TOM1L2: variants seen among roughly 807,000 people sequenced by gnomAD.
TOM1L2 encodes the protein target of myb1 like 2 membrane trafficking protein.
TOM1L2 carries 31 observed loss-of-function variants against 67.9 expected under a neutral mutation model. The ratio of observed to expected loss-of-function variants is 0.46; its 90% confidence interval spans 0.34 to 0.62. The LOEUF (loss-of-function observed/expected upper bound fraction) is 0.62, where lower values mean the gene tolerates loss of function less well. Among genes scored for constraint, TOM1L2 ranks in the 20% least tolerant of loss-of-function variants. TOM1L2 has a pLI of 0.01. For missense variants in TOM1L2, 606 were observed against 663.5 expected (o/e 0.91, Z 0.95); for synonymous variants, 256 against 254.0 (o/e 1.01, Z -0.07).
At chr17:17,858,813 C>A (rs1188778602) in intron 12 of TOM1L2, 1 of 152,242 alleles carries the variant, frequency 6.6e-6, no homozygotes, top group East Asian at 1.9e-4. Context: ...AATCTCCTGA[C>A]CTCGTGATCC....
At chr17:17,868,141 A>T (rs2036959264) in intron 8 of TOM1L2, among the ~76,000 whole-genome samples, 3 of 152,234 alleles carry the variant, frequency 2.0e-5, no homozygotes, top group Admixed American at 1.3e-4. Flanking sequence ...GAGAAACTGG[A>T]ATCACATGGC....
intron 12 of TOM1L2, among the ~76,000 whole-genome samples, chr17:17,856,923 C>T (rs1183001906): frequency 1.3e-5 from 2 of 152,160 alleles, no homozygotes; most frequent in Non-Finnish European, 2.9e-5. Context: ...CTCCCCTGGG[C>T]TTTGTTTTCT....
chr17:17,946,444 T>C (rs2040955526), intron 1 of TOM1L2, among the ~76,000 whole-genome samples: 1 of 152,238 alleles, frequency 6.6e-6, no homozygotes, highest in African/African-American at 2.4e-5. Flanking sequence ...TGAACATTTC[T>C]TATAAATGCA....
chr17:17,953,843 A>G (rs2041312775), intron 1 of TOM1L2, among the ~76,000 whole-genome samples: 1 of 152,238 alleles, frequency 6.6e-6, no homozygotes, highest in Admixed American at 6.5e-5. Context: ...AACACAGCAC[A>G]GTCCCCTGCA....
chr17:17,869,682 G>A (rs2037053091), intron 7 of TOM1L2: 3 of 1,374,024 alleles, frequency 2.2e-6, no homozygotes, highest in Non-Finnish European at 2.8e-6. Flanking sequence ...TTTTTCAGCA[G>A]ACAAATGTCC....
chr17:17,957,259 G>A (rs1357257282), intron 1 of TOM1L2, among the ~76,000 whole-genome samples: 1 of 152,226 alleles, frequency 6.6e-6, no homozygotes, highest in Admixed American at 6.5e-5. Flanking sequence ...GGGATTACAG[G>A]CATGAGCCAC....
rs528307026 is a variant in TOM1L2 at position 17,961,607 on chromosome 17, C to T, written c.52+10655G>A. Among the ~76,000 whole-genome samples the T allele has an allele frequency of 1.9e-3, 293 of 151,864 alleles. 1 individual carries two copies. The highest frequency in any genetic ancestry group is 6.9e-3 in the African/African-American group (284 of 41,360). ...AAAATTGAAGGGCCGGGCACGGTGG[C>T]TTACACCTGTAATCCCAGCACTTTG... is the stretch of plus-strand genomic sequence containing the variant. On this transcript the variant is annotated intron_variant, in intron 1 of 14. Coordinates refer to ENST00000379504, the MANE Select transcript of TOM1L2 (RefSeq NM_001082968.2).
intron 7 of TOM1L2, among the ~76,000 whole-genome samples, chr17:17,875,382 C>T (rs1228378676): frequency 2.0e-5 from 3 of 152,198 alleles, no homozygotes; most frequent in Non-Finnish European, 2.9e-5. Context: ...GGTGTCATCA[C>T]AGCCAGACCC....
At chr17:17,931,425 T>C (rs961561447) in intron 1 of TOM1L2, among the ~76,000 whole-genome samples, 6 of 152,208 alleles carry the variant, frequency 3.9e-5, no homozygotes, top group Non-Finnish European at 7.3e-5. Flanking sequence ...TGTGTGATCC[T>C]AACCAAATAA....
intron 7 of TOM1L2, among the ~76,000 whole-genome samples, chr17:17,879,353 G>A (rs1401018267): frequency 6.6e-6 from 1 of 152,194 alleles, no homozygotes; most frequent in East Asian, 1.9e-4. Flanking sequence ...TCTTTTCTGT[G>A]CTTTCTTTTT....
At chr17:17,882,601 C>A in intron 6 of TOM1L2, 104 bp downstream of exon 6, 2 of 1,478,238 alleles carry the variant, frequency 1.4e-6, no homozygotes, top group South Asian at 2.5e-5. Context: ...GTGTCCCTAA[C>A]ACCCAGCACA....
At chr17:17,866,211 C>A in intron 10 of TOM1L2, 85 bp downstream of exon 10, 1 of 1,464,876 alleles carries the variant, frequency 6.8e-7, no homozygotes, top group South Asian at 1.4e-5. Context: ...CTCTTTGGGT[C>A]TTCCAAGAAA....
chr17:17,849,797 C>T (rs2035858350), intron 13 of TOM1L2, among the ~76,000 whole-genome samples: 1 of 152,206 alleles, frequency 6.6e-6, no homozygotes, highest in African/African-American at 2.4e-5. Context: ...AAGTTAAGGA[C>T]CTTGGTCCTT....
chr17:17,922,638 A>C (rs1229530511), intron 1 of TOM1L2, among the ~76,000 whole-genome samples: 1 of 152,226 alleles, frequency 6.6e-6, no homozygotes, highest in African/African-American at 2.4e-5. Context: ...TCTGAATTTC[A>C]TCCATAAAAC....
intron 7 of TOM1L2, among the ~76,000 whole-genome samples, chr17:17,877,186 C>T (rs1273876312): frequency 6.6e-6 from 1 of 152,226 alleles, no homozygotes; most frequent in Non-Finnish European, 1.5e-5. Flanking sequence ...GGAAGCTACA[C>T]CCAAAAGTGC....
chr17:17,867,051 A>G (rs2036889585), intron 8 of TOM1L2, 127 bp from the exon 9 acceptor site: 1 of 834,448 alleles, frequency 1.2e-6, no homozygotes, highest in Admixed American at 1.9e-5. Context: ...GGGGCTAGGG[A>G]GTGAAACCAT....
At position 17,850,920 on chromosome 17, in the gene TOM1L2, G is replaced by C; in HGVS notation, c.1311C>G (p.Asp437Glu). ...IPVAQPSVMD[D>E]IEVWLRTDLK... ...GGTCGGTCCTGAGCCACACCTCAATGTCGTCCATGACAGATGGCTGCGCAA... is the reference window on the plus strand; with the variant it reads ...GGTCGGTCCTGAGCCACACCTCAATCTCGTCCATGACAGATGGCTGCGCAA... The change falls in exon 13 of 15, where the codon GAC (aspartate) becomes GAG (glutamate). Residue 437 changes from aspartate (D) to glutamate (E), a missense_variant. Physicochemically the swap from Asp to Glu is conservative, Grantham distance 45 (BLOSUM62 2). Transcript: ENST00000379504. The C allele has an allele frequency of 2.5e-6, 4 of 1,614,082 alleles. No homozygotes were observed. Among genetic ancestry groups the C allele is most frequent in the Non-Finnish European group, 3.4e-6 (4 of 1,180,030 alleles).
chr17:17,968,601 G>A (rs8075594), intron 1 of TOM1L2, among the ~76,000 whole-genome samples: 7,254 of 151,418 alleles, frequency 0.048, 498 homozygotes, highest in African/African-American at 0.15. Flanking sequence ...TGGGGCGGAG[G>A]TTGCAGTGAG....
At chr17:17,941,011 C>T (rs1046816747) in intron 1 of TOM1L2, among the ~76,000 whole-genome samples, 2 of 152,192 alleles carry the variant, frequency 1.3e-5, no homozygotes, top group African/African-American at 4.8e-5. Context: ...AAAATCTGTT[C>T]TAGTGTTTTC....
Sources: allele counts gnomAD v4.1 joint callset (sites outside exome capture counted in the v4.1 genomes callset), GRCh38; gene constraint gnomAD v4.1.1; transcripts MANE v1.5; gene names NCBI Gene and HGNC (gene_info 2026-07-23, HGNC 2026-07-21).